UST: variants seen among roughly 807,000 people sequenced by gnomAD.
UST encodes the protein uronyl 2-sulfotransferase.
A neutral mutation model predicts 45.6 loss-of-function variants in UST; 21 were observed. That is an observed-to-expected ratio of 0.46 (90% confidence interval 0.33 to 0.66). UST has a LOEUF of 0.66. Among genes scored for constraint, UST ranks in the 30% least tolerant of loss-of-function variants. The pLI is 0.02. For missense variants in UST, 463 were observed against 512.4 expected (o/e 0.90, Z 0.93); for synonymous variants, 215 against 200.6 (o/e 1.07, Z -0.61).
At chr6:149,049,451 G>T (rs941783171) in intron 7 of UST, among the ~76,000 whole-genome samples, 29 of 152,310 alleles carry the variant, frequency 1.9e-4, no homozygotes, top group African/African-American at 6.0e-4. Flanking sequence ...TGCTCAGAAT[G>T]TTGATGTTGT....
intron 2 of UST, among the ~76,000 whole-genome samples, chr6:148,940,340 T>C (rs866548589): frequency 3.3e-5 from 5 of 149,546 alleles, no homozygotes; most frequent in Non-Finnish European, 5.9e-5. Context: ...AAAAAAAAAT[T>C]ACAAAAATTA....
At chr6:148,951,711 A>T (rs1412216354) in intron 3 of UST, among the ~76,000 whole-genome samples, 2 of 152,238 alleles carry the variant, frequency 1.3e-5, no homozygotes, top group African/African-American at 4.8e-5. Context: ...GGAAAGTCTT[A>T]GAATTTGTGA....
At chr6:148,904,513 T>G (rs1779321188) in intron 2 of UST, among the ~76,000 whole-genome samples, 1 of 152,144 alleles carries the variant, frequency 6.6e-6, no homozygotes, top group Admixed American at 6.5e-5. Flanking sequence ...TATTGACTCT[T>G]ATTTACAATT....
intron 7 of UST, among the ~76,000 whole-genome samples, chr6:149,037,021 C>T (rs1776248379): frequency 6.6e-6 from 1 of 152,110 alleles, no homozygotes; most frequent in South Asian, 2.1e-4. Context: ...ATCTTCGTTT[C>T]CTGTGCTGTT....
intron 1 of UST, among the ~76,000 whole-genome samples, chr6:148,865,713 T>G (rs9373576): frequency 0.022 from 1,773 of 80,182 alleles, 20 homozygotes; most frequent in East Asian, 0.064. Context: ...TGTGTGTGTG[T>G]GAATTCAGAG....
At chr6:148,827,911 T>A (rs189729803) in intron 1 of UST, among the ~76,000 whole-genome samples, 28 of 152,226 alleles carry the variant, frequency 1.8e-4, no homozygotes, top group African/African-American at 6.7e-4. Context: ...TTATGACTTT[T>A]TGAAGTGATT....
intron 2 of UST, among the ~76,000 whole-genome samples, chr6:148,937,838 T>C (rs1780051762): frequency 1.3e-5 from 2 of 152,164 alleles, no homozygotes; most frequent in Non-Finnish European, 1.5e-5. Flanking sequence ...AAACTCTGAG[T>C]TTATGTTGGC....
At chr6:148,945,005 A>G (rs1249125656) in intron 3 of UST, among the ~76,000 whole-genome samples, 1 of 152,246 alleles carries the variant, frequency 6.6e-6, no homozygotes, top group African/African-American at 2.4e-5. Flanking sequence ...GAAAGGTCAG[A>G]GTGCTGCAGG....
intron 1 of UST, among the ~76,000 whole-genome samples, chr6:148,848,815 A>C (rs754462285): frequency 7.9e-5 from 12 of 152,182 alleles, no homozygotes; most frequent in Non-Finnish European, 1.5e-4. Context: ...GGAGGCTGCA[A>C]AGTTTCCATA....
chr6:148,898,014 A>G (rs1779169681), intron 2 of UST, among the ~76,000 whole-genome samples: 1 of 152,230 alleles, frequency 6.6e-6, no homozygotes, highest in African/African-American at 2.4e-5. Flanking sequence ...TTTAAAAAAA[A>G]AAATCCTACA....
chr6:148,784,648 T>TC (rs1776705474), intron 1 of UST, among the ~76,000 whole-genome samples: 1 of 152,212 alleles, frequency 6.6e-6, no homozygotes, highest in Admixed American at 6.5e-5. Flanking sequence ...TGTGTATGTG[T>TC]CCACAGACAC....
At chr6:149,021,831 T>C (rs1320793062) in intron 7 of UST, among the ~76,000 whole-genome samples, 1 of 152,056 alleles carries the variant, frequency 6.6e-6, no homozygotes, top group Non-Finnish European at 1.5e-5. Flanking sequence ...GTTGTTGGGG[T>C]GGGTACAAAT....
intron 1 of UST, among the ~76,000 whole-genome samples, chr6:148,755,293 T>A (rs1044615565): frequency 1.3e-5 from 2 of 152,244 alleles, no homozygotes; most frequent in Non-Finnish European, 2.9e-5. Context: ...GGAACAGTAT[T>A]TGCTACGTAT....
At chr6:149,069,286 G>A (rs1208413467) in intron 7 of UST, among the ~76,000 whole-genome samples, 8 of 152,146 alleles carry the variant, frequency 5.3e-5, no homozygotes, top group African/African-American at 1.9e-4. Context: ...GATCATGGTA[G>A]TTCTATTTTT....
At chr6:149,005,947 G>A (rs1418267546) in intron 5 of UST, among the ~76,000 whole-genome samples, 1 of 152,186 alleles carries the variant, frequency 6.6e-6, no homozygotes, top group East Asian at 1.9e-4. Context: ...ACCTGAGGGT[G>A]GCTGAAGAGG....
At chr6:148,894,488 G>T (rs1044586157) in intron 2 of UST, among the ~76,000 whole-genome samples, 2 of 152,124 alleles carry the variant, frequency 1.3e-5, no homozygotes, top group African/African-American at 4.8e-5. Flanking sequence ...ACAGACCAAG[G>T]TACACCAAGG....
intron 1 of UST, among the ~76,000 whole-genome samples, chr6:148,843,920 A>T (rs1024455013): frequency 2.0e-5 from 3 of 152,220 alleles, no homozygotes; most frequent in African/African-American, 4.8e-5. Context: ...GAATTAATTC[A>T]TTTCAGATAC....
chr6:148,957,932 C>A (rs1184532032), intron 4 of UST, among the ~76,000 whole-genome samples: 3 of 152,186 alleles, frequency 2.0e-5, no homozygotes, highest in Non-Finnish European at 4.4e-5. Flanking sequence ...ATCCTCCACA[C>A]ATCGTTAACA....
chr6:149,076,898 A>AG lies in UST; in HGVS notation c.*2783dup, dbSNP rs1270425922. On this transcript the variant is annotated 3_prime_UTR_variant, in exon 8 of 8. Coordinates refer to ENST00000367463, the MANE Select transcript of UST (RefSeq NM_005715.3). ...AATCTTTTTTTTTTTTTAAGAAGAAAGAAAAAAATGGTGTTTGACGTTGAT... is the reference window on the plus strand; with the variant it reads ...AATCTTTTTTTTTTTTTAAGAAGAAAGGAAAAAAATGGTGTTTGACGTTGAT... 1 of 152,428 alleles carries AG rather than the reference A, an allele frequency of 6.6e-6. No individual in the cohort carries two copies. Among genetic ancestry groups the AG allele is most frequent in the East Asian group, 1.9e-4 (1 of 5,202 alleles). The allele number at this position is 152,428 out of a possible 1,614,324, so 9.4% of individuals were successfully genotyped here. A position where few individuals can be genotyped will look rare whatever the true frequency, so the allele number is the denominator to read the frequency against.
Sources: gnomAD v4.1 joint callset for allele counts (sites outside exome capture counted in the v4.1 genomes callset) on GRCh38, gnomAD v4.1.1 for gene constraint, MANE v1.5 for transcripts, NCBI Gene and HGNC (gene_info 2026-07-23, HGNC 2026-07-21) for gene names.